SHBG: variants seen among roughly 807,000 people sequenced by gnomAD.
SHBG encodes the protein sex hormone binding globulin, also known as sex hormone-binding globulin.
SHBG carries 37 observed loss-of-function variants against 41.9 expected under a neutral mutation model. That is an observed-to-expected ratio of 0.88 (90% confidence interval 0.68 to 1.16). SHBG has a LOEUF of 1.16. Ranked by LOEUF, SHBG falls within the 50% of genes most tolerant of loss-of-function variation. The pLI is 0.00. For synonymous variants in SHBG, 217 were observed against 205.8 expected (o/e 1.05, Z -0.47); for missense variants, 466 against 499.9 (o/e 0.93, Z 0.65).
At chr17:7,630,104 C>A (rs750524491), upstream of SHBG, 2 of 1,351,750 alleles carry the variant, frequency 1.5e-6, no homozygotes, top group Admixed American at 1.7e-5. This position sits in a 1 kb window ranked among gnomAD's most constrained non-coding sequence, Gnocchi z 4.6. Context: ...ACCGCCCACA[C>A]GCAAGGCTGC....
chr17:7,624,164 C>T (rs373702743), upstream of SHBG, among the ~76,000 whole-genome samples: 2 of 152,076 alleles, frequency 1.3e-5, no homozygotes, highest in Non-Finnish European at 2.9e-5. Flanking sequence ...GTTCGCCAGG[C>T]TGGTCTCAAA....
chr17:7,629,916 C>G (rs970586947), upstream of SHBG, among the ~76,000 whole-genome samples: 1 of 151,990 alleles, frequency 6.6e-6, no homozygotes, highest in African/African-American at 2.4e-5. Flanking sequence ...AATATCCTCT[C>G]CCAGTTCAGA....
chr17:7,627,665 C>T (rs1339965292), upstream of SHBG: 3 of 1,613,908 alleles, frequency 1.9e-6, no homozygotes, highest in South Asian at 1.1e-5. The surrounding 1 kb of genome is among the most constrained non-coding windows in gnomAD (Gnocchi z 4.8). Flanking sequence ...GACCAAAGTC[C>T]CAGGGCCTCG....
Position 7,633,062 on chromosome 17 carries a change from T to C in SHBG, c.1060+103T>C, listed in dbSNP as rs982988182. On this transcript the variant is annotated intron_variant, in intron 7 of 7. Transcript: ENST00000380450. Reference sequence around the variant, plus strand: ...GGAAACCTCTGGGAGGGAAGAAGAATAGGCCACAAGAAGAAGATATGGGGG... The same window carrying C: ...GGAAACCTCTGGGAGGGAAGAAGAACAGGCCACAAGAAGAAGATATGGGGG... 5 of 1,412,978 alleles carry C rather than the reference T, an allele frequency of 3.5e-6. No individual in the cohort carries two copies. In the Admixed American group the frequency reaches 5.2e-5, roughly 15 times the overall value. 87.5% of individuals were successfully genotyped at this position (1,412,978 alleles called of 1,614,324 possible). A position where few individuals can be genotyped will look rare whatever the true frequency, so the allele number is the denominator to read the frequency against.
chr17:7,627,709 G>A (rs761201680), upstream of SHBG: 19 of 1,545,834 alleles, frequency 1.2e-5, no homozygotes, highest in Admixed American at 3.2e-4. This position sits in a 1 kb window ranked among gnomAD's most constrained non-coding sequence, Gnocchi z 4.8. Context: ...AGGGCCTACG[G>A]ACTTGGATCC....
chr17:7,627,190 T>C, upstream of SHBG: 4 of 1,613,990 alleles, frequency 2.5e-6, no homozygotes, highest in Non-Finnish European at 3.4e-6. This position sits in a 1 kb window ranked among gnomAD's most constrained non-coding sequence, Gnocchi z 4.8. Context: ...CAAACAGTGA[T>C]AGAAAGGATT....
intron 6 of SHBG, 70 bp downstream of exon 6, chr17:7,632,085 A>G: frequency 6.7e-7 from 1 of 1,500,456 alleles, no homozygotes; most frequent in Non-Finnish European, 9.2e-7. Flanking sequence ...AGGGGAGTCC[A>G]ACATGTCAAT....
At chr17:7,615,465 G>A (rs1317109483) in intron 1 of SHBG, among the ~76,000 whole-genome samples, 2 of 152,246 alleles carry the variant, frequency 1.3e-5, no homozygotes, top group Non-Finnish European at 2.9e-5. Flanking sequence ...TACTGTAGTA[G>A]ATTTAACAGT....
upstream of SHBG, among the ~76,000 whole-genome samples, chr17:7,623,130 C>A (rs555048013): frequency 3.8e-4 from 58 of 152,184 alleles, no homozygotes; most frequent in African/African-American, 1.2e-3. Context: ...CAGTGGCTCA[C>A]GCCTGCAATC....
At chr17:7,618,686 T>C (rs2072036537) in intron 1 of SHBG, among the ~76,000 whole-genome samples, 1 of 152,108 alleles carries the variant, frequency 6.6e-6, no homozygotes, top group African/African-American at 2.4e-5. Flanking sequence ...CCCGGTACTC[T>C]TTCTCAAAAA....
chr17:7,631,632 T>C lies in SHBG; in HGVS notation c.599T>C (p.Leu200Pro), dbSNP rs866204750. The change falls in exon 5 of 8, where the codon CTG (leucine) becomes CCG (proline). Residue 200 changes from leucine (L) to proline (P), a missense_variant. Coordinates refer to ENST00000380450, the MANE Select transcript of SHBG (RefSeq NM_001040.5). Reference sequence around the variant, plus strand: ...GGCTGCCTGCGCCGGGATTCCTGGCTGGACAAACAGGCCGAGATCTCAGCA... The same window carrying C: ...GGCTGCCTGCGCCGGGATTCCTGGCCGGACAAACAGGCCGAGATCTCAGCA... ...LDGCLRRDSW[L>P]DKQAEISASA... The C allele has an allele frequency of 6.2e-6, 10 of 1,614,018 alleles. No individual in the cohort carries two copies. The highest frequency in any genetic ancestry group is 4.0e-5 in the African/African-American group (3 of 74,910).
intron 1 of SHBG, chr17:7,614,635 G>A (rs2071928135): frequency 5.1e-6 from 3 of 584,852 alleles, no homozygotes; most frequent in Non-Finnish European, 5.0e-6. Flanking sequence ...GAGCCGGAGG[G>A]GGAGCCGCGG....
chr17:7,632,127 C>T, intron 6 of SHBG, 112 bp downstream of exon 6: 2 of 1,118,084 alleles, frequency 1.8e-6, no homozygotes, highest in Admixed American at 1.7e-5. Flanking sequence ...GGGAACATAA[C>T]AAGACTGGCT....
chr17:7,627,617 G>C (rs777270367), upstream of SHBG: 35 of 1,613,514 alleles, frequency 2.2e-5, no homozygotes, highest in Non-Finnish European at 3.0e-5. The surrounding 1 kb of genome is among the most constrained non-coding windows in gnomAD (Gnocchi z 4.8). Context: ...TTGGCCTCTC[G>C]GATCCGCACG....
At chr17:7,628,649 T>C (rs1294282192), upstream of SHBG, among the ~76,000 whole-genome samples, 3 of 150,874 alleles carry the variant, frequency 2.0e-5, no homozygotes, top group Non-Finnish European at 3.0e-5. Context: ...TTTCACTATG[T>C]TGGCCAGGCT....
upstream of SHBG, among the ~76,000 whole-genome samples, chr17:7,625,899 CAAA>C (rs1027294105): frequency 1.3e-5 from 1 of 77,468 alleles, no homozygotes; most frequent in African/African-American, 4.9e-5. Flanking sequence ...GACTTGATCT[CAAA>C]AAAAAAAAAA....
At chr17:7,624,199 G>A (rs1421667938), upstream of SHBG, among the ~76,000 whole-genome samples, 1 of 151,766 alleles carries the variant, frequency 6.6e-6, no homozygotes, top group South Asian at 2.1e-4. Context: ...TGATCCACCC[G>A]CCTTGGCCTC....
At chr17:7,626,738 C>T (rs376470630), upstream of SHBG, 11 of 1,614,056 alleles carry the variant, frequency 6.8e-6, no homozygotes, top group East Asian at 1.1e-4. Flanking sequence ...CTTGTCGCCC[C>T]ACCCATCTCC....
At chr17:7,625,169 G>C (rs776171005), upstream of SHBG, among the ~76,000 whole-genome samples, 2 of 151,756 alleles carry the variant, frequency 1.3e-5, no homozygotes, top group Non-Finnish European at 2.9e-5. Flanking sequence ...GGCTGCTCTT[G>C]AACTCCTGAC....
Sources: allele counts gnomAD v4.1 joint callset (sites outside exome capture counted in the v4.1 genomes callset), GRCh38; gene constraint gnomAD v4.1.1; non-coding constraint Gnocchi (gnomAD v3.1); transcripts MANE v1.5; gene names NCBI Gene and HGNC (gene_info 2026-07-23, HGNC 2026-07-21).